OXSR1: variants seen among roughly 807,000 people sequenced by gnomAD.
OXSR1 encodes the protein serine/threonine-protein kinase OSR1.
A neutral mutation model predicts 79.8 loss-of-function variants in OXSR1; 24 were observed. The observed-to-expected ratio is 0.30, with a 90% CI of 0.22 to 0.42. The LOEUF is 0.42. Among genes scored for constraint, OXSR1 ranks in the 10% least tolerant of loss-of-function variants. The pLI is 1.00. For synonymous variants in OXSR1, 226 were observed against 209.2 expected (o/e 1.08, Z -0.69); for missense variants, 430 against 618.4 (o/e 0.70, Z 3.23).
At chr3:38,166,009 G>A in intron 1 of OXSR1, 63 bp downstream of exon 1, 3 of 1,441,932 alleles carry the variant, frequency 2.1e-6, no homozygotes, top group Non-Finnish European at 9.6e-7. Flanking sequence ...ACGGGAACGT[G>A]GGGAGCCGCG....
At chr3:38,241,807 T>G (rs1453268611) in intron 11 of OXSR1, among the ~76,000 whole-genome samples, 2 of 151,912 alleles carry the variant, frequency 1.3e-5, no homozygotes, top group Admixed American at 6.6e-5. Context: ...TTGTTTGTTT[T>G]TTTTTTTAAA....
intron 13 of OXSR1, 25 bp downstream of exon 13, chr3:38,246,246 G>T (rs1226104167): frequency 6.2e-7 from 1 of 1,612,128 alleles, no homozygotes; most frequent in Admixed American, 1.7e-5. Flanking sequence ...ATGGTTTCAT[G>T]GTCACTCCTT....
chr3:38,171,797 T>C (rs1701587756), intron 1 of OXSR1, among the ~76,000 whole-genome samples: 1 of 152,234 alleles, frequency 6.6e-6, no homozygotes, highest in African/African-American at 2.4e-5. Flanking sequence ...TCAGTATTTT[T>C]GAGCCCTTAG....
intron 14 of OXSR1, among the ~76,000 whole-genome samples, chr3:38,249,370 A>G (rs1703209020): frequency 6.6e-6 from 1 of 152,164 alleles, no homozygotes; most frequent in Non-Finnish European, 1.5e-5. Flanking sequence ...TGCTACCAGT[A>G]TGGACCCAAT....
At position 38,254,814 on chromosome 3, in the gene OXSR1, G is replaced by T. The variant is rs1398049861; in HGVS notation, c.*1923G>T. 1 of 152,396 alleles carries T rather than the reference G, an allele frequency of 6.6e-6. No individual in the cohort carries two copies. Among genetic ancestry groups the T allele is most frequent in the Non-Finnish European group, 1.5e-5 (1 of 68,002 alleles). 9.4% of individuals were successfully genotyped at this position (152,396 alleles called of 1,614,324 possible). ...TAGCATTCTTTGTGGAGATGGTCTG[G>T]TGCCTAGCTGGGAGTGAGCAGCAGC... On this transcript the variant is annotated 3_prime_UTR_variant, in exon 18 of 18. Coordinates refer to ENST00000311806, the MANE Select transcript of OXSR1 (RefSeq NM_005109.3).
At chr3:38,207,810 T>G (rs1183884450) in intron 4 of OXSR1, among the ~76,000 whole-genome samples, 2 of 152,112 alleles carry the variant, frequency 1.3e-5, no homozygotes, top group African/African-American at 4.8e-5. Context: ...AATGTTGCCT[T>G]TCTTCGGGAT....
At chr3:38,174,335 A>C (rs1462934233) in intron 1 of OXSR1, among the ~76,000 whole-genome samples, 2 of 152,120 alleles carry the variant, frequency 1.3e-5, no homozygotes, top group Non-Finnish European at 2.9e-5. Flanking sequence ...TAATCCCAGC[A>C]CTTTGGGAGG....
chr3:38,247,947 T>G (rs1433220525), intron 14 of OXSR1, among the ~76,000 whole-genome samples: 5 of 152,184 alleles, frequency 3.3e-5, no homozygotes, highest in African/African-American at 1.2e-4. Flanking sequence ...GCACATGTTC[T>G]CTCAGTTGTT....
At chr3:38,230,569 C>T (rs891964223) in intron 10 of OXSR1, 139 bp downstream of exon 10, 7 of 628,252 alleles carry the variant, frequency 1.1e-5, no homozygotes, top group Non-Finnish European at 1.7e-5. Context: ...TTCTTTGATA[C>T]ATTCATTCAG....
At chr3:38,173,578 A>G (rs1379069132) in intron 1 of OXSR1, among the ~76,000 whole-genome samples, 1 of 152,272 alleles carries the variant, frequency 6.6e-6, no homozygotes, top group African/African-American at 2.4e-5. Flanking sequence ...AGTGCTCAGC[A>G]TAGACTTGGC....
chr3:38,179,974 A>G (rs1238648606), intron 1 of OXSR1, among the ~76,000 whole-genome samples: 1 of 151,950 alleles, frequency 6.6e-6, no homozygotes, highest in African/African-American at 2.4e-5. Context: ...ATGCCCGGCT[A>G]ATTTTTGTAT....
rs772495728 is a variant in OXSR1 at position 38,236,947 on chromosome 3, A to G, written c.1060A>G (p.Ile354Val). Residue 354 changes from isoleucine (I) to valine (V), a missense_variant, in exon 11 of 18, where the codon ATT (isoleucine) becomes GTT (valine). Physicochemically the swap from Ile to Val is conservative, Grantham distance 29. Coordinates refer to ENST00000311806, the MANE Select transcript of OXSR1 (RefSeq NM_005109.3). ...AGAAAGTGAGGAAGGGAAAGCAGCA[A>G]TTTCACAACTCAGGGTAAATTTTAT... ...DEESEEGKAA[I>V]SQLRSPRVKE... 1.9e-6 allele frequency: 3 copies of G among 1,612,010 alleles called. No individual in the cohort carries two copies. Among genetic ancestry groups the G allele is most frequent in the Admixed American group, 3.3e-5 (2 of 59,860 alleles).
rs901294147 is a variant in OXSR1, at chr3:38,254,439, G to C, written c.*1548G>C. 6 of 389,322 alleles carry C rather than the reference G, an allele frequency of 1.5e-5. No homozygotes were observed. Among genetic ancestry groups the C allele is most frequent in the Non-Finnish European group, 2.7e-5 (6 of 220,642 alleles). 24.1% of individuals were successfully genotyped at this position (389,322 alleles called of 1,614,324 possible). ...ATGGATGTTGGGGAGGAAGAGAGGA[G>C]ATGGATTTCAGTTGGGAGTTAGGAG... On this transcript the variant is annotated 3_prime_UTR_variant, in exon 18 of 18. Coordinates refer to ENST00000311806, the MANE Select transcript of OXSR1 (RefSeq NM_005109.3).
At chr3:38,248,851 G>A (rs533853102) in intron 14 of OXSR1, among the ~76,000 whole-genome samples, 23 of 152,274 alleles carry the variant, frequency 1.5e-4, no homozygotes, top group African/African-American at 4.8e-4. Flanking sequence ...ATTGTGAAAT[G>A]TATTAAGCAC....
chr3:38,235,791 C>CA (rs1319568410), intron 10 of OXSR1, among the ~76,000 whole-genome samples: 1 of 152,100 alleles, frequency 6.6e-6, no homozygotes, highest in East Asian at 1.9e-4. Flanking sequence ...TTTAACCAAA[C>CA]AATGAATGAA....
chr3:38,215,868 CTTGTG>C (rs1702472778), intron 4 of OXSR1, among the ~76,000 whole-genome samples: 1 of 152,120 alleles, frequency 6.6e-6, no homozygotes, highest in African/African-American at 2.4e-5. Context: ...TATTTGATCA[CTTGTG>C]TTTTCTAGAT....
At chr3:38,245,101 T>G (rs1158583777) in intron 12 of OXSR1, among the ~76,000 whole-genome samples, 9 of 152,172 alleles carry the variant, frequency 5.9e-5, no homozygotes, top group Admixed American at 5.9e-4. Flanking sequence ...AACCAATGAG[T>G]AATTTATGAC....
rs796261901 is a variant in OXSR1, at chr3:38,165,969, G to T, written c.70+23G>T. The T allele has an allele frequency of 2.5e-6, 4 of 1,600,866 alleles. No homozygotes were observed. In the African/African-American group the frequency reaches 4.0e-5, roughly 16 times the overall value. ...TCGGTGAGAGCAGGCGCTGCGGAGG[G>T]GGGAGGCGCGGCGCTGGGAGGCGGG... On this transcript the variant is annotated intron_variant, in intron 1 of 17. Coordinates refer to ENST00000311806, the MANE Select transcript of OXSR1 (RefSeq NM_005109.3).
intron 7 of OXSR1, 52 bp from the exon 8 acceptor site, chr3:38,224,519 T>TGG (rs1266104863): frequency 6.1e-5 from 90 of 1,467,198 alleles, no homozygotes; most frequent in Non-Finnish European, 8.0e-5. Flanking sequence ...ACCACAATAG[T>TGG]TAAACTTTAC....
Sources: gnomAD v4.1 joint callset for allele counts (sites outside exome capture counted in the v4.1 genomes callset) on GRCh38, gnomAD v4.1.1 for gene constraint, MANE v1.5 for transcripts, NCBI Gene and HGNC (gene_info 2026-07-23, HGNC 2026-07-21) for gene names.